The following GDA variants were observed in gnomAD, a reference collection of about 807,000 sequenced individuals.
The protein encoded by GDA is guanine deaminase, also known as cytoplasmic PSD-95 interactor.
GDA carries 18 observed loss-of-function variants against 59.6 expected under a neutral mutation model. That is an observed-to-expected ratio of 0.30 (90% CI 0.21 to 0.45). The LOEUF is 0.45. GDA is among the 20% of genes least tolerant of loss of function. The pLI is 1.00. For missense variants in GDA, 427 were observed against 552.3 expected (o/e 0.77, Z 2.27); for synonymous variants, 201 against 201.1 (o/e 1.00, Z 0.00).
At chr9:72,140,959 T>G (rs1328649496) in intron 1 of GDA, among the ~76,000 whole-genome samples, 1 of 152,208 alleles carries the variant, frequency 6.6e-6, no homozygotes, top group Non-Finnish European at 1.5e-5. Context: ...TCTGTCACTT[T>G]CAGCCTTGTC....
chr9:72,142,424 T>C (rs1826472060), intron 1 of GDA, among the ~76,000 whole-genome samples: 1 of 151,782 alleles, frequency 6.6e-6, no homozygotes, highest in Non-Finnish European at 1.5e-5. Flanking sequence ...GACCATCCTG[T>C]TAGCCAGGTG....
At chr9:72,204,512 C>T (rs909756376) in intron 3 of GDA, among the ~76,000 whole-genome samples, 2 of 152,042 alleles carry the variant, frequency 1.3e-5, no homozygotes, top group Non-Finnish European at 2.9e-5. Flanking sequence ...GAACCTGACC[C>T]AAAGAGGGAA....
Position 72,248,595 on chromosome 9 carries a change from A to T in GDA, c.*253A>T, listed in dbSNP as rs932322545. ...GCTGCTCAGACTTACTTTAAGCTCAAACAGAAGGGAATGCTATTACTGGTG... is the reference window on the plus strand; with the variant it reads ...GCTGCTCAGACTTACTTTAAGCTCATACAGAAGGGAATGCTATTACTGGTG... On this transcript the variant is annotated 3_prime_UTR_variant, in exon 14 of 14. Transcript: ENST00000358399. 4.8e-6 allele frequency: 6 copies of T among 1,251,540 alleles called. No homozygotes were observed. The highest frequency in any genetic ancestry group is 3.0e-5 in the African/African-American group (2 of 65,872). The allele number at this position is 1,251,540 out of a possible 1,614,324, so 77.5% of individuals were successfully genotyped here.
intron 1 of GDA, among the ~76,000 whole-genome samples, chr9:72,178,249 A>C (rs756541521): frequency 6.6e-6 from 1 of 152,100 alleles, no homozygotes; most frequent in Non-Finnish European, 1.5e-5. Context: ...CACTTTATTC[A>C]ATTACTCACA....
chr9:72,137,961 C>T (rs1346565273), intron 1 of GDA, among the ~76,000 whole-genome samples: 1 of 152,164 alleles, frequency 6.6e-6, no homozygotes, highest in Non-Finnish European at 1.5e-5. Context: ...CACTCTCTTA[C>T]AGACTGAGTT....
rs749236605 is a variant in GDA at position 72,245,160 on chromosome 9, A to G, written c.1148A>G (p.Asp383Gly). The change falls in exon 12 of 14, where the codon GAT (aspartate) becomes GGT (glycine). Residue 383 changes from aspartate (D) to glycine (G), a missense_variant. Coordinates refer to ENST00000358399, the MANE Select transcript of GDA (RefSeq NM_004293.5). ...TLGGSQALGL[D>G]GEIGNFEVGK... ...TTGTTCTCAATAGCCCTGGGGCTGG[A>G]TGGTGAGATTGGAAACTTTGAAGTG... 16 of 1,613,602 alleles carry G rather than the reference A, an allele frequency of 9.9e-6. No individual in the cohort carries two copies. The highest frequency in any genetic ancestry group is 1.4e-5 in the Non-Finnish European group (16 of 1,179,674).
At chr9:72,253,067 T>C (rs73484264), downstream of GDA, among the ~76,000 whole-genome samples, 155 of 152,304 alleles carry the variant, frequency 1.0e-3, no homozygotes, top group African/African-American at 3.6e-3. Context: ...ACAGAAACAC[T>C]TTGCATCTGA....
At chr9:72,165,073 A>C (rs1356322296) in intron 1 of GDA, among the ~76,000 whole-genome samples, 1 of 151,790 alleles carries the variant, frequency 6.6e-6, no homozygotes, top group Admixed American at 6.6e-5. Context: ...ATTTCAGGTG[A>C]CTTAAGTGCA....
intron 1 of GDA, among the ~76,000 whole-genome samples, chr9:72,188,850 G>A (rs1249094243): frequency 1.3e-5 from 2 of 152,192 alleles, no homozygotes; most frequent in Non-Finnish European, 2.9e-5. Flanking sequence ...GCTGGGTCTA[G>A]GAAAGCCATA....
At chr9:72,123,449 C>T (rs1587295277) in intron 1 of GDA, among the ~76,000 whole-genome samples, 1 of 146,518 alleles carries the variant, frequency 6.8e-6, no homozygotes, top group Non-Finnish European at 1.5e-5. Context: ...TCTCAAAGTG[C>T]TGGGATGACA....
chr9:72,127,450 A>G (rs1587303414), intron 1 of GDA, among the ~76,000 whole-genome samples: 1 of 152,148 alleles, frequency 6.6e-6, no homozygotes, highest in East Asian at 1.9e-4. Context: ...AATCCTGGCC[A>G]ACATGGTGAA....
At chr9:72,206,926 C>A (rs1834788939) in intron 3 of GDA, among the ~76,000 whole-genome samples, 1 of 151,412 alleles carries the variant, frequency 6.6e-6, no homozygotes, top group African/African-American at 2.4e-5. Context: ...CTAGAATTAT[C>A]AAAAATGGCT....
At chr9:72,232,860 C>CT (rs1332203258) in intron 10 of GDA, among the ~76,000 whole-genome samples, 2 of 152,216 alleles carry the variant, frequency 1.3e-5, no homozygotes, top group African/African-American at 4.8e-5. Context: ...ACAACTATGT[C>CT]TATCTTACAA....
chr9:72,231,973 G>A (rs1186971327), intron 10 of GDA, among the ~76,000 whole-genome samples: 2 of 152,202 alleles, frequency 1.3e-5, no homozygotes, highest in African/African-American at 4.8e-5. Context: ...TAGGCTGAGG[G>A]ATGTTCTAAG....
chr9:72,185,899 A>T (rs1184952336), intron 1 of GDA, among the ~76,000 whole-genome samples: 3 of 152,190 alleles, frequency 2.0e-5, no homozygotes. Context: ...AAGCACTTGG[A>T]GTTGTTTGCT....
intron 1 of GDA, among the ~76,000 whole-genome samples, chr9:72,193,543 C>T (rs2131246185): frequency 6.6e-6 from 1 of 152,364 alleles, no homozygotes; most frequent in Admixed American, 6.5e-5. Flanking sequence ...CTTGTGGCCA[C>T]AATCACCCTT....
intron 10 of GDA, among the ~76,000 whole-genome samples, chr9:72,237,556 G>C (rs1274958403): frequency 6.6e-6 from 1 of 152,026 alleles, no homozygotes; most frequent in Non-Finnish European, 1.5e-5. Context: ...CACAACCATG[G>C]CTTCATGTGA....
At chr9:72,240,488 A>G (rs1233124449) in intron 10 of GDA, among the ~76,000 whole-genome samples, 3 of 152,178 alleles carry the variant, frequency 2.0e-5, no homozygotes, top group Admixed American at 1.3e-4. Flanking sequence ...CCATTTGAGT[A>G]TTGTGGTGGG....
chr9:72,241,699 C>T (rs1229625764), intron 11 of GDA, among the ~76,000 whole-genome samples: 3 of 152,026 alleles, frequency 2.0e-5, no homozygotes, highest in Admixed American at 2.0e-4. Flanking sequence ...TGAGACCAGC[C>T]TGGGCAATGT....
Sources: gnomAD v4.1 joint callset for allele counts (sites outside exome capture counted in the v4.1 genomes callset) on GRCh38, gnomAD v4.1.1 for gene constraint, MANE v1.5 for transcripts, NCBI Gene and HGNC (gene_info 2026-07-23, HGNC 2026-07-21) for gene names.